The following MAST4 variants were observed in gnomAD, a reference collection of about 807,000 sequenced individuals.
MAST4 encodes the protein microtubule associated serine/threonine kinase family member 4, also known as microtubule-associated serine/threonine-protein kinase 4.
In MAST4, 89 loss-of-function variants were observed where a neutral mutation model predicts 162.7. The observed-to-expected ratio is 0.55, with a 90% CI of 0.46 to 0.65. MAST4 has a LOEUF of 0.65. Among genes scored for constraint, MAST4 ranks in the 30% least tolerant of loss-of-function variants. MAST4 has a pLI of 0.00. For missense variants in MAST4, 3,153 were observed against 3,374.0 expected (o/e 0.93, Z 1.62); for synonymous variants, 1,479 against 1,361.1 (o/e 1.09, Z -1.91).
chr5:66,930,923 C>T (rs772190705), intron 4 of MAST4: 3 of 318,010 alleles, frequency 9.4e-6, no homozygotes, highest in Admixed American at 3.6e-5. Flanking sequence ...TACTCTTCTT[C>T]CAGCTGCGTA....
chr5:66,859,758 T>C (rs1425059124), intron 3 of MAST4, among the ~76,000 whole-genome samples: 3 of 152,178 alleles, frequency 2.0e-5, no homozygotes, highest in Non-Finnish European at 4.4e-5. Context: ...GACAGCACGG[T>C]CCATGAGCAT....
intron 8 of MAST4, among the ~76,000 whole-genome samples, chr5:67,101,023 T>G (rs1764968076): frequency 6.6e-6 from 1 of 152,222 alleles, no homozygotes; most frequent in African/African-American, 2.4e-5. Context: ...CTTACTTTTC[T>G]CTAAGACTGT....
intron 4 of MAST4, among the ~76,000 whole-genome samples, chr5:66,948,642 G>A (rs1055032133): frequency 2.0e-5 from 3 of 152,094 alleles, no homozygotes; most frequent in African/African-American, 7.2e-5. Context: ...TGTGTCCACT[G>A]GTGCGGCTGG....
chr5:66,674,081 A>G (rs1274556791), intron 1 of MAST4, among the ~76,000 whole-genome samples: 1 of 152,226 alleles, frequency 6.6e-6, no homozygotes, highest in African/African-American at 2.4e-5. Context: ...GAAAGTTAAA[A>G]CTTGACAAAA....
At chr5:66,881,557 A>G (rs925345000) in intron 3 of MAST4, among the ~76,000 whole-genome samples, 3 of 152,180 alleles carry the variant, frequency 2.0e-5, no homozygotes, top group African/African-American at 7.2e-5. Context: ...GGGAATTTTT[A>G]TTTTTAAAGA....
rs546671806 is a variant in MAST4, at chr5:66,596,991, C to T, written c.336C>T (p.Ser112=). The T allele has an allele frequency of 6.1e-5, 89 of 1,451,470 alleles. No individual in the cohort carries two copies. In the African/African-American group the frequency reaches 9.4e-4, roughly 15 times the overall value. The allele number at this position is 1,451,470 out of a possible 1,614,324, so 89.9% of individuals were successfully genotyped here. A position where few individuals can be genotyped will look rare whatever the true frequency, so the allele number is the denominator to read the frequency against. ...TGCCGCCCGCGCCCCGGGGCAGCAG[C>T]GCGTCCCAGGAGGAGCAGGACGAGG... is the stretch of plus-strand genomic sequence containing the variant. ...GAVPPAPRGS[S]ASQEEQDEEL... Residue 112 remains serine (S), a synonymous_variant, in exon 1 of 29, where the codon AGC becomes AGT. Transcript: ENST00000403625.
intron 4 of MAST4, among the ~76,000 whole-genome samples, chr5:66,961,411 T>C (rs996627445): frequency 6.6e-6 from 1 of 152,230 alleles, no homozygotes; most frequent in Non-Finnish European, 1.5e-5. Flanking sequence ...TGGAGTATTA[T>C]ATGAGCCTAT....
chr5:67,044,201 G>T (rs1013202115), intron 4 of MAST4, among the ~76,000 whole-genome samples: 3 of 152,090 alleles, frequency 2.0e-5, no homozygotes, highest in Admixed American at 6.5e-5. Flanking sequence ...CATCTCAAAT[G>T]GTAACACTCT....
Position 67,164,210 on chromosome 5 carries a change from A to C in MAST4, c.5031A>C (p.Glu1677Asp), listed in dbSNP as rs761257471. Residue 1677 changes from glutamate (E) to aspartate (D), a missense_variant, in exon 29 of 29, where the codon GAA becomes GAC. Around this residue, in one of 7 missense-constraint regions of MAST4, gnomAD observed 1,644 missense variants for 1,495.0 expected, o/e 1.10. Coordinates refer to ENST00000403625, the MANE Select transcript of MAST4 (RefSeq NM_001164664.2). This position sits in a 1 kb window ranked among gnomAD's most constrained non-coding sequence, Gnocchi z 5.3. ...SSQAKELLRC[E>D]KLDSKLANID... ...AGGCCAAGGAGCTTCTCCGATGTGA[A>C]AAGTTAGACAGCAAGCTGGCCAACA... 6.2e-7 allele frequency: 1 copy of C among 1,613,606 alleles called. No homozygotes were observed. The highest frequency in any genetic ancestry group is 8.5e-7 in the Non-Finnish European group (1 of 1,179,734).
intron 3 of MAST4, among the ~76,000 whole-genome samples, chr5:66,888,561 G>T (rs1220689637): frequency 1.3e-5 from 2 of 152,100 alleles, no homozygotes; most frequent in Non-Finnish European, 2.9e-5. Flanking sequence ...TTTTCTTTTG[G>T]TATTAAGGTT....
In MAST4 at chr5:67,165,918, C is replaced by A. The variant is rs1290455924; in HGVS notation, c.6739C>A (p.Pro2247Thr). ...GGGGAAGGGCCACAGTAAGAGTGGGCCGGATGTGTTTCCTGCTACCCCAGG... is the reference window on the plus strand; with the variant it reads ...GGGGAAGGGCCACAGTAAGAGTGGGACGGATGTGTTTCCTGCTACCCCAGG... The part of the protein sequence containing the change: ...REGKGHSKSG[P>T]DVFPATPGSQ... Residue 2247 changes from proline (P) to threonine (T), a missense_variant, in exon 29 of 29, where the codon CCG becomes ACG. Coordinates refer to ENST00000403625, the MANE Select transcript of MAST4 (RefSeq NM_001164664.2). 2 of 1,613,352 alleles carry A rather than the reference C, an allele frequency of 1.2e-6. No homozygotes were observed. The highest frequency in any genetic ancestry group is 2.2e-5 in the South Asian group (2 of 91,082).
At chr5:66,700,680 C>T (rs1276286590) in intron 1 of MAST4, among the ~76,000 whole-genome samples, 1 of 151,528 alleles carries the variant, frequency 6.6e-6, no homozygotes, top group Non-Finnish European at 1.5e-5. Flanking sequence ...GAGTGAGACT[C>T]CATCTCTCAA....
chr5:66,681,350 T>G (rs1748317727), intron 1 of MAST4, among the ~76,000 whole-genome samples: 1 of 152,174 alleles, frequency 6.6e-6, no homozygotes, highest in African/African-American at 2.4e-5. Context: ...TAGATTTGCT[T>G]CCCCAGCTGC....
intron 23 of MAST4, among the ~76,000 whole-genome samples, chr5:67,147,259 A>G (rs1300819944): frequency 1.3e-5 from 2 of 152,186 alleles, no homozygotes. Flanking sequence ...CTTATAGCCA[A>G]GGGTAATTAG....
intron 1 of MAST4, among the ~76,000 whole-genome samples, chr5:66,616,009 A>G (rs1386599786): frequency 2.6e-5 from 4 of 152,212 alleles, no homozygotes. Flanking sequence ...TCTGCCAGCT[A>G]CATGAGAGCA....
At chr5:67,098,518 T>C (rs571871533) in intron 7 of MAST4, among the ~76,000 whole-genome samples, 6 of 152,256 alleles carry the variant, frequency 3.9e-5, no homozygotes, top group African/African-American at 4.8e-5. Flanking sequence ...TAAATACTCA[T>C]AAAAATATGA....
intron 2 of MAST4, among the ~76,000 whole-genome samples, chr5:66,774,561 ATGT>A (rs1178906744): frequency 6.6e-6 from 1 of 151,984 alleles, no homozygotes; most frequent in Non-Finnish European, 1.5e-5. Context: ...TACCACCTTA[ATGT>A]TGTTCTTTTC....
intron 4 of MAST4, among the ~76,000 whole-genome samples, chr5:67,015,407 T>G (rs1203400275): frequency 1.3e-5 from 2 of 152,200 alleles, no homozygotes; most frequent in Non-Finnish European, 2.9e-5. Context: ...TCAAAGCTTT[T>G]TAATAGAGAA....
At chr5:67,139,518 G>A (rs993121082) in intron 19 of MAST4, among the ~76,000 whole-genome samples, 3 of 152,158 alleles carry the variant, frequency 2.0e-5, no homozygotes, top group Non-Finnish European at 4.4e-5. Context: ...CCCATATCTT[G>A]AATAGTTTCT....
Sources: gnomAD v4.1 joint callset for allele counts (sites outside exome capture counted in the v4.1 genomes callset) on GRCh38, gnomAD v4.1.1 for gene constraint, gnomAD v4.1.1 regional missense constraint, Gnocchi (gnomAD v3.1) non-coding constraint, MANE v1.5 for transcripts, NCBI Gene and HGNC (gene_info 2026-07-23, HGNC 2026-07-21) for gene names.